Variants in PLEKHG7 observed in about 807,000 individuals in gnomAD.
The protein encoded by PLEKHG7 is pleckstrin homology and RhoGEF domain containing G7.
In PLEKHG7, 77 loss-of-function variants were observed where a neutral mutation model predicts 85.2. The ratio of observed to expected loss-of-function variants is 0.90; its 90% CI spans 0.75 to 1.09. The LOEUF is 1.09. PLEKHG7 is among the 50% of genes least tolerant of loss of function. PLEKHG7 has a pLI of 0.00. For synonymous variants in PLEKHG7, 301 were observed against 302.4 expected, an observed-to-expected ratio of 1.00 and a Z score of 0.05; for missense variants, 777 against 804.3, an observed-to-expected ratio of 0.97 and a Z score of 0.41.
chr12:92,708,693 G>A (rs1025167689), intron 3 of PLEKHG7: 1 of 152,178 alleles, frequency 6.6e-6, no homozygotes, highest in African/African-American at 2.4e-5. Flanking sequence ...GATCAATTAA[G>A]CAGATTCTTT....
At chr12:92,740,643 C>T (rs758841230) in intron 7 of PLEKHG7, among the ~76,000 whole-genome samples, 18 of 152,154 alleles carry the variant, frequency 1.2e-4, no homozygotes, top group Non-Finnish European at 2.1e-4. Flanking sequence ...GCAACCACAA[C>T]TTTCATACTG....
chr12:92,707,436 G>C (rs750354979), intron 2 of PLEKHG7: 713 of 1,431,600 alleles, frequency 5.0e-4, no homozygotes, highest in Non-Finnish European at 6.0e-4. Flanking sequence ...AGAGCAATGG[G>C]GGCCCTCTTG....
chr12:92,755,560 T>C (rs1164116941), intron 11 of PLEKHG7, among the ~76,000 whole-genome samples: 1 of 152,226 alleles, frequency 6.6e-6, no homozygotes, highest in African/African-American at 2.4e-5. Flanking sequence ...ATTTTATTGG[T>C]ATTATTGAAA....
intron 3 of PLEKHG7, 68 bp downstream of exon 3, chr12:92,707,740 C>G (rs1464284277): frequency 1.2e-6 from 2 of 1,608,632 alleles, no homozygotes; most frequent in Non-Finnish European, 1.7e-6. Flanking sequence ...ATTTTTATTT[C>G]TGTCCTGACA....
intron 6 of PLEKHG7, 27 bp downstream of exon 6, chr12:92,736,604 G>T: frequency 8.3e-7 from 1 of 1,199,512 alleles, no homozygotes; most frequent in Non-Finnish European, 1.0e-6. Context: ...TAACTATGGG[G>T]TTTGACTTTT....
intron 5 of PLEKHG7, among the ~76,000 whole-genome samples, chr12:92,735,858 T>G (rs965555950): frequency 6.6e-6 from 1 of 152,182 alleles, no homozygotes; most frequent in Non-Finnish European, 1.5e-5. Context: ...TTTTGTTTGT[T>G]TTTTCTCAAA....
In PLEKHG7 at chr12:92,724,208, G is replaced by A. The variant is rs142489642; in HGVS notation, c.531-4785G>A. ...AACTTTCTGGCTGGATTTGTACACT[G>A]CTAATCCATTATGTGTCAATCCCAG... On this transcript the variant is annotated intron_variant, in intron 3 of 16. Transcript: ENST00000344636. 9.2e-5 allele frequency among the ~76,000 whole-genome samples: 14 copies of A among 152,246 alleles called. No homozygotes were observed. In the East Asian group the frequency reaches 2.7e-3, roughly 29 times the overall value.
intron 1 of PLEKHG7, among the ~76,000 whole-genome samples, chr12:92,704,780 G>A (rs915931210): frequency 1.3e-5 from 2 of 152,182 alleles, no homozygotes; most frequent in African/African-American, 2.4e-5. Flanking sequence ...GTCTCACTAT[G>A]TTGCCCAGGC....
intron 15 of PLEKHG7, among the ~76,000 whole-genome samples, chr12:92,768,182 G>A (rs1053841520): frequency 3.6e-4 from 54 of 151,794 alleles, no homozygotes; most frequent in Non-Finnish European, 2.9e-5. Context: ...ACTCCAGCCC[G>A]GGCGACAGTG....
In PLEKHG7 at chr12:92,755,938, G is replaced by C. The variant is rs780171743; in HGVS notation, c.1540G>C (p.Glu514Gln). 1 of 1,592,624 alleles carries C rather than the reference G, an allele frequency of 6.3e-7. No homozygotes were observed. The highest frequency in any genetic ancestry group is 8.6e-7 in the Non-Finnish European group (1 of 1,169,318). Residue 514 changes from glutamate to glutamine, a missense_variant and splice_region_variant, in exon 12 of 17, where the codon GAG (glutamate) becomes CAG (glutamine). Glu to Gln is a conservative substitution (Grantham distance 29). Around this residue, in one of 3 missense-constraint regions of PLEKHG7, gnomAD observed 520 missense variants for 544.0 expected, o/e 0.96. Transcript: ENST00000344636. ...TAGAGATAAAAGGTTTTTCATTCCA[G>C]AGGTACAAAAAAAAAATCAATTAGG... ...WDRDKRFFIP[E>Q]CLKHIFKEHM...
chr12:92,707,781 A>G (rs1871281250), intron 3 of PLEKHG7, 109 bp downstream of exon 3: 1 of 1,570,142 alleles, frequency 6.4e-7, no homozygotes, highest in Non-Finnish European at 8.7e-7. Flanking sequence ...TAACCAGTGC[A>G]CTTTGTTTTA....
intron 13 of PLEKHG7, among the ~76,000 whole-genome samples, chr12:92,759,333 A>G (rs1872922337): frequency 6.6e-6 from 1 of 152,202 alleles, no homozygotes; most frequent in African/African-American, 2.4e-5. Flanking sequence ...AAAATAGTTG[A>G]AATTAGAAGG....
Position 92,772,054 on chromosome 12 carries a change from C to T in PLEKHG7, c.*1859C>T, listed in dbSNP as rs1565800593. 6.6e-6 allele frequency: 1 copy of T among 150,994 alleles called. No homozygotes were observed. The highest frequency in any genetic ancestry group is 1.5e-5 in the Non-Finnish European group (1 of 67,706). 9.4% of individuals were successfully genotyped at this position (150,994 alleles called of 1,614,324 possible). On this transcript the variant is annotated 3_prime_UTR_variant, in exon 17 of 17. Coordinates refer to ENST00000344636, the MANE Select transcript of PLEKHG7 (RefSeq NM_001377329.1). ...ATTCGAATGAAGGGATCACGGGGGT[C>T]AGAACAAAAACCATTCTAGAACCGT...
intron 4 of PLEKHG7, among the ~76,000 whole-genome samples, chr12:92,730,053 C>G (rs2136592196): frequency 6.6e-6 from 1 of 152,320 alleles, no homozygotes; most frequent in African/African-American, 2.4e-5. Flanking sequence ...CCCTCTCTAC[C>G]AGTCTGCATC....
chr12:92,718,767 T>G (rs1046589199), intron 3 of PLEKHG7, among the ~76,000 whole-genome samples: 4 of 152,168 alleles, frequency 2.6e-5, no homozygotes, highest in African/African-American at 9.7e-5. Flanking sequence ...GTTGAGTGTT[T>G]TCCATAAAAA....
At chr12:92,735,630 G>A (rs982791416) in intron 5 of PLEKHG7, among the ~76,000 whole-genome samples, 4 of 152,266 alleles carry the variant, frequency 2.6e-5, no homozygotes, top group African/African-American at 9.6e-5. Flanking sequence ...TTCCTGCTTT[G>A]GTTGGTAAAA....
intron 3 of PLEKHG7, among the ~76,000 whole-genome samples, chr12:92,714,471 A>G (rs900169319): frequency 2.0e-5 from 3 of 152,176 alleles, no homozygotes; most frequent in African/African-American, 7.2e-5. Context: ...GGGGCTGTGC[A>G]TGCACCTTTC....
chr12:92,732,007 T>G (rs984038022), intron 4 of PLEKHG7, among the ~76,000 whole-genome samples: 7 of 152,194 alleles, frequency 4.6e-5, no homozygotes, highest in African/African-American at 4.8e-5. Context: ...CAGTACCACC[T>G]TAAGGCAGCA....
intron 3 of PLEKHG7, among the ~76,000 whole-genome samples, chr12:92,709,772 A>G (rs1937042591): frequency 6.6e-6 from 1 of 152,226 alleles, no homozygotes; most frequent in Non-Finnish European, 1.5e-5. Flanking sequence ...GCTGGGCACA[A>G]TGGCTCATGC....
Sources: allele counts gnomAD v4.1 joint callset (sites outside exome capture counted in the v4.1 genomes callset), GRCh38; gene constraint gnomAD v4.1.1; regional missense constraint gnomAD v4.1.1; transcripts MANE v1.5; gene names NCBI Gene and HGNC (gene_info 2026-07-23, HGNC 2026-07-21).